PTGES2: variants seen among roughly 807,000 people sequenced by gnomAD.
PTGES2 encodes the protein GATE-binding factor 1.
Under a neutral mutation model 44.5 loss-of-function variants are expected in PTGES2, and 35 were observed. The ratio of observed to expected loss-of-function variants is 0.79; its 90% CI spans 0.60 to 1.04. The LOEUF (loss-of-function observed/expected upper bound fraction) is 1.04, where lower values mean the gene tolerates loss of function less well. Ranked by LOEUF, PTGES2 falls within the 50% of genes least tolerant of loss-of-function variation. The pLI is 0.00. For synonymous variants in PTGES2, 221 were observed against 227.5 expected, an observed-to-expected ratio of 0.97 and a Z score of 0.26; for missense variants, 517 against 521.4, an observed-to-expected ratio of 0.99 and a Z score of 0.08.
intron 5 of PTGES2, chr9:128,122,702 C>T (rs1834462260): frequency 1.6e-6 from 1 of 630,992 alleles, no homozygotes; most frequent in East Asian, 2.7e-5. Context: ...AGGCGCCAGT[C>T]AGGGCCCAGG....
upstream of PTGES2, chr9:128,128,099 C>A: frequency 2.8e-6 from 1 of 361,446 alleles, no homozygotes; most frequent in South Asian, 2.2e-5. Flanking sequence ...AACTCCAGCC[C>A]TTCCTAGAGT....
At chr9:128,125,123 A>T (rs1352934573) in intron 2 of PTGES2, 121 bp downstream of exon 2, 3 of 932,750 alleles carry the variant, frequency 3.2e-6, no homozygotes, top group Admixed American at 2.7e-5. Context: ...CTTCCCCCAT[A>T]GTCCTTACAG....
chr9:128,123,005 G>A lies in PTGES2; in HGVS notation c.816C>T (p.Ala272=), dbSNP rs555812987. 17 of 1,613,990 alleles carry A rather than the reference G, an allele frequency of 1.1e-5. No individual in the cohort carries two copies. Among genetic ancestry groups the A allele is most frequent in the East Asian group, 4.5e-5 (2 of 44,880 alleles). The change falls in exon 5 of 7, where the codon GCC becomes GCT. Residue 272 remains alanine (A), a synonymous_variant. Transcript: ENST00000338961. This position sits in a 1 kb window ranked among gnomAD's most constrained non-coding sequence, Gnocchi z 4.4. ...DYIVREGKFG[A]VEGAVAKYMG... is the part of the protein sequence containing the mutation. ...TGTACTTGGCCACGGCACCCTCCAC[G>A]GCTCCGAACTTGCCCTCGCGGACAA... is the stretch of plus-strand genomic sequence containing the variant.
chr9:128,128,043 T>G (rs1834712601), upstream of PTGES2: 2 of 380,344 alleles, frequency 5.3e-6, no homozygotes, highest in Non-Finnish European at 9.7e-6. Flanking sequence ...CGTGGCCGTC[T>G]GTAACACGTA....
At position 128,120,778 on chromosome 9, in the gene PTGES2, G is replaced by C. The variant is rs936356023; in HGVS notation, c.*367C>G. 1.3e-5 allele frequency: 3 copies of C among 228,476 alleles called. No homozygotes were observed. Among genetic ancestry groups the C allele is most frequent in the African/African-American group, 6.9e-5 (3 of 43,532 alleles). 14.2% of individuals were successfully genotyped at this position (228,476 alleles called of 1,614,324 possible). A position where few individuals can be genotyped will look rare whatever the true frequency, so the allele number is the denominator to read the frequency against. On this transcript the variant is annotated 3_prime_UTR_variant, in exon 7 of 7. Coordinates refer to ENST00000338961, the MANE Select transcript of PTGES2 (RefSeq NM_025072.7). ...AGTCCCGGGAGGCTTGGGAAGAGTG[G>C]GAACCAGGGGAACCCAGGGATGGGA...
rs1564207013 is a variant in PTGES2, at chr9:128,120,944, TG to T, written c.*200del. ...ACAGGGAGGGGTCGCCCCAGGGCAG[TG>T]GCAGGGCTGGAACTCGTCCCTAACA... is the stretch of plus-strand genomic sequence containing the variant. On this transcript the variant is annotated 3_prime_UTR_variant, in exon 7 of 7. Coordinates refer to ENST00000338961, the MANE Select transcript of PTGES2 (RefSeq NM_025072.7). 10 of 654,832 alleles carry T rather than the reference TG, an allele frequency of 1.5e-5. No homozygotes were observed. The highest frequency in any genetic ancestry group is 6.2e-5 in the Admixed American group (2 of 32,420). 40.6% of individuals were successfully genotyped at this position (654,832 alleles called of 1,614,324 possible).
chr9:128,127,314 C>A (rs758844165), intron 1 of PTGES2, 125 bp downstream of exon 1: 8 of 819,976 alleles, frequency 9.8e-6, no homozygotes, highest in Non-Finnish European at 1.3e-5. Context: ...GGTTCGGAGA[C>A]TTCAGACCAA....
chr9:128,122,559 G>A (rs935848524), intron 5 of PTGES2, 80 bp from the exon 6 acceptor site: 15 of 1,275,242 alleles, frequency 1.2e-5, no homozygotes, highest in Middle Eastern at 3.7e-4. Flanking sequence ...CTGGGGAGAG[G>A]GGGGAGGTGT....
At chr9:128,122,839 TC>T in intron 5 of PTGES2, 94 bp downstream of exon 5, 1 of 1,362,790 alleles carries the variant, frequency 7.3e-7, no homozygotes. Flanking sequence ...GGCCTCGGCC[TC>T]CCGCTGGTCT....
At position 128,123,604 on chromosome 9, in the gene PTGES2, T is replaced by G; in HGVS notation, c.686+98A>C. 3 of 1,310,128 alleles carry G rather than the reference T, an allele frequency of 2.3e-6. No individual in the cohort carries two copies. Among genetic ancestry groups the G allele is most frequent in the South Asian group, 1.4e-5 (1 of 73,760 alleles). 81.2% of individuals were successfully genotyped at this position (1,310,128 alleles called of 1,614,324 possible). A position where few individuals can be genotyped will look rare whatever the true frequency, so the allele number is the denominator to read the frequency against. On this transcript the variant is annotated intron_variant, in intron 4 of 6. Coordinates refer to ENST00000338961, the MANE Select transcript of PTGES2 (RefSeq NM_025072.7). This position sits in a 1 kb window ranked among gnomAD's most constrained non-coding sequence, Gnocchi z 4.4. ...CGGCCCCAGCCCCGCTGGTCTCCCA[T>G]GCTGCTCCCTGCTCACGCCATCTTG...
intron 2 of PTGES2, 38 bp downstream of exon 2, chr9:128,125,206 G>C (rs1386937944): frequency 6.5e-7 from 1 of 1,540,662 alleles, no homozygotes; most frequent in African/African-American, 1.4e-5. Context: ...GACAACCCAG[G>C]AAAGGAGGAA....
upstream of PTGES2, chr9:128,127,840 A>T (rs115079063): frequency 1.0e-6 from 1 of 970,692 alleles, no homozygotes; most frequent in Non-Finnish European, 1.3e-6. Context: ...CGCTAAGGGA[A>T]CCCTCAGCGC....
rs1460798594 is a variant in PTGES2, at chr9:128,123,023, G to A, written c.798C>T (p.Arg266=). The A allele has an allele frequency of 3.7e-6, 6 of 1,613,718 alleles. No homozygotes were observed. The highest frequency in any genetic ancestry group is 1.3e-5 in the African/African-American group (1 of 74,904). The change falls in exon 5 of 7, where the codon CGC becomes CGT. Residue 266 remains arginine, a synonymous_variant. Transcript: ENST00000338961. The surrounding 1 kb of genome is among the most constrained non-coding windows in gnomAD (Gnocchi z 4.4). ...CCTCCACGGCTCCGAACTTGCCCTC[G>A]CGGACAATGTAGTCAAAGGACGCCA... ...EALASFDYIV[R]EGKFGAVEGA...
Position 128,123,882 on chromosome 9 carries a change from T to C in PTGES2, c.537-31A>G, listed in dbSNP as rs1834519704. 6.2e-7 allele frequency: 1 copy of C among 1,603,204 alleles called. No individual in the cohort carries two copies. Among genetic ancestry groups the C allele is most frequent in the East Asian group, 2.2e-5 (1 of 44,562 alleles). On this transcript the variant is annotated intron_variant, in intron 3 of 6. Coordinates refer to ENST00000338961, the MANE Select transcript of PTGES2 (RefSeq NM_025072.7). The surrounding 1 kb of genome is among the most constrained non-coding windows in gnomAD (Gnocchi z 4.4). ...GAGAGAGCCACAATATCACCCCAAC[T>C]CCTTCCCCCTCCGTCCCCTGTGGCC...
At chr9:128,124,943 C>T in intron 2 of PTGES2, 2 of 1,060,422 alleles carry the variant, frequency 1.9e-6, no homozygotes, top group East Asian at 3.7e-5. Context: ...TGACTTGCCC[C>T]AAGTCACACA....
chr9:128,127,339 G>A lies in PTGES2; in HGVS notation c.279+100C>T, dbSNP rs531894150. The A allele has an allele frequency of 1.1e-4, 116 of 1,101,998 alleles. 1 individual carries two copies. The South Asian group carries it at 3.5e-3, about 33-fold the overall frequency. The allele number at this position is 1,101,998 out of a possible 1,614,324, so 68.3% of individuals were successfully genotyped here. A position where few individuals can be genotyped will look rare whatever the true frequency, so the allele number is the denominator to read the frequency against. ...CTTCAGACCAAGTCACTCGCCCAAG[G>A]TCACAAGCAGGCAGAGGCAACTCCT... On this transcript the variant is annotated intron_variant, in intron 1 of 6. Transcript: ENST00000338961.
Position 128,125,275 on chromosome 9 carries a change from G to T in PTGES2, c.446C>A (p.Pro149His). 2 of 1,606,002 alleles carry T rather than the reference G, an allele frequency of 1.2e-6. No individual in the cohort carries two copies. Among genetic ancestry groups the T allele is most frequent in the Non-Finnish European group, 1.7e-6 (2 of 1,176,198 alleles). The change falls in exon 2 of 7, where the codon CCC becomes CAC. Residue 149 changes from proline to histidine, a missense_variant. By Grantham distance (77) the Pro-to-His change is moderately conservative (BLOSUM62 -2). Coordinates refer to ENST00000338961, the MANE Select transcript of PTGES2 (RefSeq NM_025072.7). ...TTCTCCTTCCTGGGCCACCAGGATG[G>T]GCACCTTTCTGTAGGAGGAGAACTT... Reference protein sequence around the residue: ...EIKFSSYRKVPILVAQEGESS... With the variant: ...EIKFSSYRKVHILVAQEGESS...
At position 128,123,688 on chromosome 9, in the gene PTGES2, C is replaced by T; in HGVS notation, c.686+14G>A. ...CGGTCACCACCTTCCCCCGCCAGCCCCAGCCCCACTCACGTCCTGGCCTCC... is the reference window on the plus strand; with the variant it reads ...CGGTCACCACCTTCCCCCGCCAGCCTCAGCCCCACTCACGTCCTGGCCTCC... On this transcript the variant is annotated intron_variant, in intron 4 of 6. Coordinates refer to ENST00000338961, the MANE Select transcript of PTGES2 (RefSeq NM_025072.7). This position sits in a 1 kb window ranked among gnomAD's most constrained non-coding sequence, Gnocchi z 4.4. 1 of 1,610,914 alleles carries T rather than the reference C, an allele frequency of 6.2e-7. No individual in the cohort carries two copies. The highest frequency in any genetic ancestry group is 8.5e-7 in the Non-Finnish European group (1 of 1,177,778).
In PTGES2 at chr9:128,127,396, G is replaced by A. The variant is rs755403004; in HGVS notation, c.279+43C>T. The A allele has an allele frequency of 3.0e-6, 4 of 1,324,676 alleles. No individual in the cohort carries two copies. The South Asian group carries it at 9.0e-5, about 30-fold the overall frequency. The allele number at this position is 1,324,676 out of a possible 1,614,324, so 82.1% of individuals were successfully genotyped here. A position where few individuals can be genotyped will look rare whatever the true frequency, so the allele number is the denominator to read the frequency against. On this transcript the variant is annotated intron_variant, in intron 1 of 6. Coordinates refer to ENST00000338961, the MANE Select transcript of PTGES2 (RefSeq NM_025072.7). ...GCGGGTTCCCAGGAGTCCCGAGTTC[G>A]GCGCTGATCAGCATCCCCATCCCCG...
Sources: allele counts gnomAD v4.1 joint callset, GRCh38; gene constraint gnomAD v4.1.1; non-coding constraint Gnocchi (gnomAD v3.1); transcripts MANE v1.5; gene names NCBI Gene and HGNC (gene_info 2026-07-23, HGNC 2026-07-21).